The following TG variants were observed in gnomAD, a reference collection of about 807,000 sequenced individuals.
TG encodes the protein thyroglobulin.
Under a neutral mutation model 324.7 loss-of-function variants are expected in TG, and 270 were observed. The ratio of observed to expected loss-of-function variants is 0.83; its 90% CI spans 0.75 to 0.92. The LOEUF (loss-of-function observed/expected upper bound fraction) is 0.92, where lower values mean the gene tolerates loss of function less well. Ranked by LOEUF, TG falls within the 40% of genes least tolerant of loss-of-function variation. TG has a pLI of 0.00. For synonymous variants in TG, 1,401 were observed against 1,327.0 expected (o/e 1.06, Z -1.21); for missense variants, 3,591 against 3,456.4 (o/e 1.04, Z -0.98).
chr8:132,882,533 C>A lies in TG; in HGVS notation c.810C>A (p.Thr270=). The change falls in exon 7 of 48, where the codon ACC becomes ACA. Residue 270 remains threonine (T), a synonymous_variant. Transcript: ENST00000220616. ...TIFAGLDLPS[T]FTETTLYRIL... is the part of the protein sequence containing the mutation. ...TTGCTGGCCTGGACCTTCCTTCCAC[C>A]TTCACTGAAACCACCCTGTACCGGA... 6 of 1,614,200 alleles carry A rather than the reference C, an allele frequency of 3.7e-6. No homozygotes were observed. The highest frequency in any genetic ancestry group is 1.1e-5 in the South Asian group (1 of 91,086).
At chr8:133,049,353 G>C (rs1017854521) in intron 41 of TG, 1 of 328,798 alleles carries the variant, frequency 3.0e-6, no homozygotes. Context: ...AATATTTATC[G>C]AGTGCTTACT....
intron 42 of TG, 102 bp from the exon 43 acceptor site, chr8:133,096,104 A>G: frequency 2.1e-6 from 3 of 1,431,420 alleles, no homozygotes; most frequent in South Asian, 1.2e-5. Context: ...AGAGTCATAG[A>G]TGGATAACCA....
intron 12 of TG, 79 bp downstream of exon 12, chr8:132,897,865 G>A: frequency 1.3e-6 from 2 of 1,552,572 alleles, no homozygotes; most frequent in Non-Finnish European, 1.8e-6. Flanking sequence ...ACACTGGGAG[G>A]CAAGTGAGCT....
Position 132,969,519 on chromosome 8 carries a change from G to A in TG, c.5925G>A (p.Gly1975=), listed in dbSNP as rs767939489. ...GCCTGCCGTTCCAAAAACTGATGGG[G>A]ATATCCATTAGAAATAAAGTGCCCA... The part of the protein sequence containing the change: ...YTRLPFQKLM[G]ISIRNKVPMS... Residue 1975 remains glycine, a synonymous_variant, in exon 32 of 48, where the codon GGG becomes GGA. Transcript: ENST00000220616. 2.5e-6 allele frequency: 4 copies of A among 1,613,962 alleles called. No homozygotes were observed. Among genetic ancestry groups the A allele is most frequent in the Middle Eastern group, 1.7e-4 (1 of 6,060 alleles).
chr8:132,913,255 A>C lies in TG; in HGVS notation c.4368A>C (p.Gly1456=). The change falls in exon 20 of 48, where the codon GGA becomes GGC. Residue 1456 remains glycine (G), a synonymous_variant. Coordinates refer to ENST00000220616, the MANE Select transcript of TG (RefSeq NM_003235.5). ...TGACAAGTGAGGCCAGTCAGGACGG[A>C]CTGGGATGCGGTAGGTCCACTCTCT... ...QVLTSEASQD[G]LGCVKCPEGS... The C allele has an allele frequency of 6.2e-7, 1 of 1,614,032 alleles. No homozygotes were observed. The highest frequency in any genetic ancestry group is 8.5e-7 in the Non-Finnish European group (1 of 1,180,014).
At chr8:132,963,585 G>A (rs1828070339) in intron 29 of TG, among the ~76,000 whole-genome samples, 1 of 152,122 alleles carries the variant, frequency 6.6e-6, no homozygotes, top group South Asian at 2.1e-4. Flanking sequence ...CTGAGGTGGA[G>A]CTGAAACTCA....
At chr8:132,968,463 C>G (rs995376925) in intron 31 of TG, among the ~76,000 whole-genome samples, 1 of 152,218 alleles carries the variant, frequency 6.6e-6, no homozygotes, top group Non-Finnish European at 1.5e-5. Context: ...AGGTGATTTT[C>G]TCTCCCAGGC....
At chr8:132,900,789 C>T (rs1233895329) in intron 15 of TG, among the ~76,000 whole-genome samples, 1 of 152,206 alleles carries the variant, frequency 6.6e-6, no homozygotes, top group African/African-American at 2.4e-5. Flanking sequence ...CTCGAGGGCC[C>T]TTTGCATCTG....
At chr8:132,929,052 T>A in intron 22 of TG, 24 bp from the exon 23 acceptor site, 1 of 1,604,246 alleles carries the variant, frequency 6.2e-7, no homozygotes, top group Non-Finnish European at 8.5e-7. Context: ...TGAGTCAGAT[T>A]TACTAAATCT....
At chr8:132,883,762 G>A (rs1013929977) in intron 8 of TG, among the ~76,000 whole-genome samples, 4 of 152,120 alleles carry the variant, frequency 2.6e-5, no homozygotes, top group Non-Finnish European at 4.4e-5. Flanking sequence ...AGGCAACGGG[G>A]CTAATTAGAA....
At chr8:132,941,756 T>C (rs1824479498) in intron 26 of TG, among the ~76,000 whole-genome samples, 1 of 152,230 alleles carries the variant, frequency 6.6e-6, no homozygotes, top group Non-Finnish European at 1.5e-5. Context: ...CTTGTAATAC[T>C]GGTTTATTCC....
At chr8:133,034,128 T>C (rs1836875479) in intron 41 of TG, among the ~76,000 whole-genome samples, 1 of 152,226 alleles carries the variant, frequency 6.6e-6, no homozygotes, top group South Asian at 2.1e-4. Context: ...TCTACATGTA[T>C]TTTAGAATAA....
rs565042545 is a variant in TG, at chr8:133,031,695, A to G, written c.7239+1672A>G. On this transcript the variant is annotated intron_variant, in intron 41 of 47. Transcript: ENST00000220616. ...GTTTGGGCGCAACTGATGCTAGGTC[A>G]GCATTGTCACCATTGCCAACAGAAA... 7.2e-5 allele frequency among the ~76,000 whole-genome samples: 11 copies of G among 152,300 alleles called. No homozygotes were observed. The East Asian group carries it at 2.1e-3, about 29-fold the overall frequency.
intron 39 of TG, 35 bp from the exon 40 acceptor site, chr8:133,021,956 C>A: frequency 6.2e-7 from 1 of 1,613,882 alleles, no homozygotes; most frequent in Non-Finnish European, 8.5e-7. Context: ...GTGCCCTCCC[C>A]ACACTTTAGC....
At chr8:133,051,061 G>T in intron 41 of TG, 1 of 619,766 alleles carries the variant, frequency 1.6e-6, no homozygotes, top group Non-Finnish European at 2.9e-6. Context: ...TTACAGCAAG[G>T]TCCTCTCTTC....
At chr8:132,929,001 A>C in intron 22 of TG, 75 bp from the exon 23 acceptor site, 8 of 1,235,956 alleles carry the variant, frequency 6.5e-6, no homozygotes, top group Non-Finnish European at 9.5e-6. Context: ...TGCTTGACCT[A>C]ACAGTCTTTA....
intron 27 of TG, among the ~76,000 whole-genome samples, chr8:132,955,849 C>A (rs1017247570): frequency 1.3e-5 from 2 of 152,226 alleles, no homozygotes; most frequent in Non-Finnish European, 2.9e-5. Context: ...CAGAAGTTTT[C>A]TGAATAAAGA....
At chr8:132,919,600 T>G in intron 21 of TG, 75 bp downstream of exon 21, 2 of 1,584,622 alleles carry the variant, frequency 1.3e-6, no homozygotes, top group African/African-American at 1.3e-5. Flanking sequence ...TCCCAATCTC[T>G]GCACTATTGA....
intron 34 of TG, among the ~76,000 whole-genome samples, chr8:132,977,184 A>C (rs1830271183): frequency 6.6e-6 from 1 of 152,174 alleles, no homozygotes; most frequent in Non-Finnish European, 1.5e-5. Flanking sequence ...TTAGCTTTGT[A>C]TTAGGTAATT....
Sources: gnomAD v4.1 joint callset for allele counts (sites outside exome capture counted in the v4.1 genomes callset) on GRCh38, gnomAD v4.1.1 for gene constraint, MANE v1.5 for transcripts, NCBI Gene and HGNC (gene_info 2026-07-23, HGNC 2026-07-21) for gene names.